BPIFB6: variants seen among roughly 807,000 people sequenced by gnomAD.
BPIFB6 encodes the protein BPI fold containing family B member 6, also known as BPI fold-containing family B member 6.
In BPIFB6, 47 loss-of-function variants were observed where a neutral mutation model predicts 54.7. The observed-to-expected ratio is 0.86, with a 90% CI of 0.68 to 1.10. BPIFB6 has a LOEUF of 1.10. Among genes scored for constraint, BPIFB6 ranks in the 50% least tolerant of loss-of-function variants. The pLI is 0.00. For missense variants in BPIFB6, 603 were observed against 564.1 expected, an observed-to-expected ratio of 1.07 and a Z score of -0.70; for synonymous variants, 255 against 225.9, an observed-to-expected ratio of 1.13 and a Z score of -1.16.
intron 2 of BPIFB6, 34 bp from the exon 3 acceptor site, chr20:33,034,152 G>A: frequency 6.6e-7 from 1 of 1,522,542 alleles, no homozygotes; most frequent in Non-Finnish European, 9.1e-7. Flanking sequence ...TGCCTGCTCA[G>A]ATCTTATTGG....
chr20:33,035,237 T>C (rs1979286138), intron 5 of BPIFB6, 93 bp downstream of exon 5: 10 of 1,314,490 alleles, frequency 7.6e-6, no homozygotes, highest in Middle Eastern at 3.6e-4. Context: ...CTGACCCTGA[T>C]TGACTGATAG....
chr20:33,036,581 G>C (rs753474519), intron 7 of BPIFB6, 45 bp downstream of exon 7: 2 of 1,524,960 alleles, frequency 1.3e-6, no homozygotes, highest in Admixed American at 3.3e-5. Flanking sequence ...CAGGCTCACT[G>C]GTCTGGGTAG....
Position 33,035,045 on chromosome 20 carries a change from C to A in BPIFB6, c.453-36C>A, listed in dbSNP as rs369668575. ...GTGCCTAAATTCCTGCACTGGTGCA[C>A]CTGCCCACCTATCCTCGGTGCCTGT... On this transcript the variant is annotated intron_variant, in intron 4 of 14. Transcript: ENST00000349552. 37 of 1,612,724 alleles carry A rather than the reference C, an allele frequency of 2.3e-5. No individual in the cohort carries two copies. The African/African-American group carries it at 3.2e-4, about 14-fold the overall frequency.
chr20:33,041,982 G>C lies in BPIFB6; in HGVS notation c.1155G>C (p.Leu385Phe), dbSNP rs781472350. ...CACTCCCCCACAGATTACTGAGCTT[G>C]TCCCGGAAGTCCTCATCGATTGGCA... ...MATSLDRLLS[L>F]SRKSSSIGNF... The change falls in exon 12 of 15, where the codon TTG (leucine) becomes TTC (phenylalanine). Residue 385 changes from leucine (L) to phenylalanine (F), a missense_variant. Leu to Phe is a conservative substitution (Grantham distance 22). Coordinates refer to ENST00000349552, the MANE Select transcript of BPIFB6 (RefSeq NM_174897.2). The C allele has an allele frequency of 6.2e-7, 1 of 1,614,076 alleles. No individual in the cohort carries two copies. Among genetic ancestry groups the C allele is most frequent in the Non-Finnish European group, 8.5e-7 (1 of 1,179,998 alleles).
downstream of BPIFB6, chr20:33,044,062 CCCTGCCAGCTG>C: frequency 6.2e-7 from 1 of 1,614,020 alleles, no homozygotes; most frequent in African/African-American, 1.3e-5. Flanking sequence ...GGCAGGACTC[CCCTGCCAGCTG>C]CCTGCTTACC....
intron 10 of BPIFB6, among the ~76,000 whole-genome samples, chr20:33,039,929 G>C (rs532629257): frequency 6.6e-6 from 1 of 152,332 alleles, no homozygotes; most frequent in East Asian, 1.9e-4. Flanking sequence ...TTACCAGGGA[G>C]ACTGGGGACA....
At chr20:33,042,117 A>G in intron 12 of BPIFB6, 102 bp downstream of exon 12, 2 of 1,236,630 alleles carry the variant, frequency 1.6e-6, no homozygotes, top group Non-Finnish European at 2.4e-6. Context: ...AGGCAGATGA[A>G]CAGAGCAAGG....
intron 4 of BPIFB6, 27 bp from the exon 5 acceptor site, chr20:33,035,054 C>T (rs1309575676): frequency 4.3e-6 from 7 of 1,613,290 alleles, no homozygotes; most frequent in Middle Eastern, 3.3e-4. Flanking sequence ...ACCTGCCCAC[C>T]TATCCTCGGT....
At chr20:33,040,418 C>T (rs1979532837) in intron 11 of BPIFB6, 100 bp downstream of exon 11, 1 of 1,088,954 alleles carries the variant, frequency 9.2e-7, no homozygotes. Flanking sequence ...CCCAGCACAC[C>T]CCCAACTACC....
At chr20:33,044,063 CCTGCCAG>C (rs772721859), downstream of BPIFB6, 1 of 1,614,126 alleles carries the variant, frequency 6.2e-7, no homozygotes, top group Non-Finnish European at 8.5e-7. Context: ...GCAGGACTCC[CCTGCCAG>C]CTGCCTGCTT....
At chr20:33,035,030 T>C in intron 4 of BPIFB6, 51 bp from the exon 5 acceptor site, 1 of 1,610,702 alleles carries the variant, frequency 6.2e-7, no homozygotes, top group Non-Finnish European at 8.5e-7. Flanking sequence ...GTGCCTAAAT[T>C]CCTGCACTGG....
chr20:33,042,922 T>C (rs1412822791), intron 13 of BPIFB6, 44 bp downstream of exon 13: 1 of 1,583,762 alleles, frequency 6.3e-7, no homozygotes, highest in African/African-American at 1.3e-5. Context: ...CAAGAAGCAC[T>C]TTAAGCAATA....
chr20:33,034,585 G>A (rs777537906), intron 3 of BPIFB6, among the ~76,000 whole-genome samples, 178 bp from the exon 4 acceptor site: 5 of 152,188 alleles, frequency 3.3e-5, no homozygotes, highest in Non-Finnish European at 5.9e-5. Context: ...AAAACAAGGA[G>A]GGAGGGAGAA....
intron 11 of BPIFB6, among the ~76,000 whole-genome samples, chr20:33,040,640 T>A (rs1979541716): frequency 6.6e-6 from 1 of 152,238 alleles, no homozygotes; most frequent in Non-Finnish European, 1.5e-5. Flanking sequence ...GCCATTCACC[T>A]GAGAGTCAGG....
chr20:33,037,290 A>C (rs1406452129), intron 7 of BPIFB6, among the ~76,000 whole-genome samples: 1 of 152,168 alleles, frequency 6.6e-6, no homozygotes, highest in Non-Finnish European at 1.5e-5. Flanking sequence ...TGAAGCCTCC[A>C]ACCACTCAGA....
At chr20:33,040,547 C>T (rs532811284) in intron 11 of BPIFB6, among the ~76,000 whole-genome samples, 1 of 152,318 alleles carries the variant, frequency 6.6e-6, no homozygotes, top group East Asian at 1.9e-4. Context: ...TCCACCTCTA[C>T]CCTCACTCTT....
At position 33,035,045 on chromosome 20, in the gene BPIFB6, C is replaced by T. The variant is rs369668575; in HGVS notation, c.453-36C>T. On this transcript the variant is annotated intron_variant, in intron 4 of 14. Coordinates refer to ENST00000349552, the MANE Select transcript of BPIFB6 (RefSeq NM_174897.2). ...GTGCCTAAATTCCTGCACTGGTGCA[C>T]CTGCCCACCTATCCTCGGTGCCTGT... 19 of 1,612,724 alleles carry T rather than the reference C, an allele frequency of 1.2e-5. No homozygotes were observed. In the African/African-American group the frequency reaches 1.2e-4, roughly 10 times the overall value.
At position 33,039,519 on chromosome 20, in the gene BPIFB6, T is replaced by G. The variant is rs1425965637; in HGVS notation, c.1073T>G (p.Val358Gly). Residue 358 changes from valine to glycine, a missense_variant and splice_region_variant, in exon 10 of 15, where the codon GTG becomes GGG. Physicochemically the swap from Val to Gly is moderately radical, Grantham distance 109. Coordinates refer to ENST00000349552, the MANE Select transcript of BPIFB6 (RefSeq NM_174897.2). The part of the protein sequence containing the change: ...KAPMSLFLLE[V>G]HFNLKVQYSV... ...CCAATGTCCCTCTTTCTCCTAGAAGTGGTGAGGGAAATCGTTCCCTTCCCC... is the reference window on the plus strand; with the variant it reads ...CCAATGTCCCTCTTTCTCCTAGAAGGGGTGAGGGAAATCGTTCCCTTCCCC... The G allele has an allele frequency of 1.2e-6, 2 of 1,600,428 alleles. No individual in the cohort carries two copies. The highest frequency in any genetic ancestry group is 3.5e-5 in the Admixed American group (2 of 57,544).
chr20:33,035,013 A>T (rs767017622), intron 4 of BPIFB6, 68 bp from the exon 5 acceptor site: 1 of 1,609,494 alleles, frequency 6.2e-7, no homozygotes, highest in Non-Finnish European at 8.5e-7. Context: ...ATGCCCCTTC[A>T]TGTCCTGTGC....
Sources: gnomAD v4.1 joint callset for allele counts (sites outside exome capture counted in the v4.1 genomes callset) on GRCh38, gnomAD v4.1.1 for gene constraint, MANE v1.5 for transcripts, NCBI Gene and HGNC (gene_info 2026-07-23, HGNC 2026-07-21) for gene names.